Variants in FGFR1 observed in about 807,000 individuals in gnomAD.
FGFR1 encodes FGFR1/PLAG1 fusion.
In FGFR1, 18 loss-of-function variants were observed where a neutral mutation model predicts 93.7. The observed-to-expected ratio is 0.19, with a 90% CI of 0.13 to 0.28. The LOEUF (loss-of-function observed/expected upper bound fraction) is 0.28, where lower values mean the gene tolerates loss of function less well. Ranked by LOEUF, FGFR1 falls within the 10% of genes least tolerant of loss-of-function variation. The probability of loss-of-function intolerance (pLI) is 1.00; values close to 1 mark genes in which losing one functional copy is unlikely to be tolerated. For synonymous variants in FGFR1, 448 were observed against 429.3 expected (o/e 1.04, Z -0.54); for missense variants, 731 against 1,080.4 (o/e 0.68, Z 4.53).
intron 2 of FGFR1, among the ~76,000 whole-genome samples, chr8:38,440,823 C>T (rs777105963): frequency 7.0e-4 from 107 of 152,112 alleles, no homozygotes; most frequent in Non-Finnish European, 1.1e-3. Context: ...GGGACCCCAC[C>T]GGGGCTTACT....
Position 38,429,623 on chromosome 8 carries a change from C to T in FGFR1, c.358+59G>A, listed in dbSNP as rs2150951929. The T allele has an allele frequency of 2.0e-6, 3 of 1,523,220 alleles. No homozygotes were observed. Among genetic ancestry groups the T allele is most frequent in the African/African-American group, 1.4e-5 (1 of 72,230 alleles). The allele number at this position is 1,523,220 out of a possible 1,614,324, so 94.4% of individuals were successfully genotyped here. A position where few individuals can be genotyped will look rare whatever the true frequency, so the allele number is the denominator to read the frequency against. On this transcript the variant is annotated intron_variant, in intron 3 of 17. Coordinates refer to ENST00000447712, the MANE Select transcript of FGFR1 (RefSeq NM_023110.3). The surrounding 1 kb of genome is among the most constrained non-coding windows in gnomAD (Gnocchi z 4.4). ...GAGGTTCACCTTCCTCTGAAACTGGCAGAGAGGGCTGGAGGGGGTGGGTCT... is the reference window on the plus strand; with the variant it reads ...GAGGTTCACCTTCCTCTGAAACTGGTAGAGAGGGCTGGAGGGGGTGGGTCT...
chr8:38,428,502 A>T (rs1821634462), intron 3 of FGFR1, 67 bp from the exon 4 acceptor site: 1 of 1,301,870 alleles, frequency 7.7e-7, no homozygotes, highest in South Asian at 1.3e-5. Context: ...AGGCTAGTGC[A>T]GTTCCAGATG....
chr8:38,440,043 T>C (rs1050566418), intron 2 of FGFR1, among the ~76,000 whole-genome samples: 21 of 152,144 alleles, frequency 1.4e-4, no homozygotes, highest in African/African-American at 5.1e-4. Flanking sequence ...TTCCATCTTT[T>C]TGATTTCTGA....
rs754189086 is a variant in FGFR1 at position 38,412,157 on chromosome 8, A to C, written c.*1471T>G. The C allele has an allele frequency of 4.8e-6, 1 of 206,352 alleles. No homozygotes were observed. Among genetic ancestry groups the C allele is most frequent in the African/African-American group, 2.3e-5 (1 of 43,852 alleles). The allele number at this position is 206,352 out of a possible 1,614,324, so 12.8% of individuals were successfully genotyped here. A position where few individuals can be genotyped will look rare whatever the true frequency, so the allele number is the denominator to read the frequency against. On this transcript the variant is annotated 3_prime_UTR_variant, in exon 18 of 18. Coordinates refer to ENST00000447712, the MANE Select transcript of FGFR1 (RefSeq NM_023110.3). ...AACCTCCGCCTCCCAGCTTCAAGGG[A>C]TTCTGCCTCAGCCTCCTGTGGAGCT...
At chr8:38,463,820 A>C (rs1455209953) in intron 1 of FGFR1, among the ~76,000 whole-genome samples, 2 of 152,166 alleles carry the variant, frequency 1.3e-5, no homozygotes, top group Non-Finnish European at 2.9e-5. Context: ...GATGAGAATA[A>C]GACTTATTTC....
intron 9 of FGFR1, among the ~76,000 whole-genome samples, chr8:38,419,012 T>C (rs1817760694): frequency 1.3e-5 from 2 of 151,760 alleles, no homozygotes; most frequent in African/African-American, 4.8e-5. Flanking sequence ...TAAAGGGGAG[T>C]TTCCCTGTAC....
chr8:38,437,736 T>C (rs17182183), intron 2 of FGFR1, among the ~76,000 whole-genome samples: 3 of 152,166 alleles, frequency 2.0e-5, no homozygotes, highest in South Asian at 2.1e-4. Flanking sequence ...AATTTGTAAG[T>C]TGAGGGATAG....
At chr8:38,446,905 A>G (rs1829465613) in intron 2 of FGFR1, among the ~76,000 whole-genome samples, 2 of 152,164 alleles carry the variant, frequency 1.3e-5, no homozygotes, top group African/African-American at 4.8e-5. Context: ...AAGAAAACTC[A>G]GGTGTCGGAT....
At chr8:38,419,048 G>A (rs921711464) in intron 9 of FGFR1, among the ~76,000 whole-genome samples, 2 of 152,242 alleles carry the variant, frequency 1.3e-5, no homozygotes, top group Non-Finnish European at 2.9e-5. Flanking sequence ...CTGCCGCCAT[G>A]TGAGACGTGC....
chr8:38,465,031 T>C (rs1835198120), intron 1 of FGFR1, among the ~76,000 whole-genome samples: 1 of 152,228 alleles, frequency 6.6e-6, no homozygotes, highest in Non-Finnish European at 1.5e-5. Flanking sequence ...GGCTTGAATC[T>C]GCCTACCCAG....
Position 38,426,280 on chromosome 8 carries a change from C to A in FGFR1, c.622-35G>T, listed in dbSNP as rs2150868491. ...AATGCCAAAGGGATACATTGAGGGTCCAGAGGAAAATGCAGGCCCCATGAC... is the reference window on the plus strand; with the variant it reads ...AATGCCAAAGGGATACATTGAGGGTACAGAGGAAAATGCAGGCCCCATGAC... On this transcript the variant is annotated intron_variant, in intron 5 of 17. Coordinates refer to ENST00000447712, the MANE Select transcript of FGFR1 (RefSeq NM_023110.3). This position sits in a 1 kb window ranked among gnomAD's most constrained non-coding sequence, Gnocchi z 4.1. The A allele has an allele frequency of 1.2e-6, 2 of 1,613,264 alleles. No individual in the cohort carries two copies. Among genetic ancestry groups the A allele is most frequent in the South Asian group, 2.2e-5 (2 of 91,026 alleles).
Position 38,424,251 on chromosome 8 carries a change from C to G in FGFR1, c.936+258G>C. 1 of 638,994 alleles carries G rather than the reference C, an allele frequency of 1.6e-6. No individual in the cohort carries two copies. The highest frequency in any genetic ancestry group is 3.1e-5 in the East Asian group (1 of 32,726). The allele number at this position is 638,994 out of a possible 1,614,324, so 39.6% of individuals were successfully genotyped here. A position where few individuals can be genotyped will look rare whatever the true frequency, so the allele number is the denominator to read the frequency against. On this transcript the variant is annotated intron_variant, in intron 7 of 17. Coordinates refer to ENST00000447712, the MANE Select transcript of FGFR1 (RefSeq NM_023110.3). This position sits in a 1 kb window ranked among gnomAD's most constrained non-coding sequence, Gnocchi z 4.3. ...GTAGCTGACCCCAAAGCCCCAGTGA[C>G]GTTGCTCTCAAAGCTTATTACAGAC...
At position 38,412,151 on chromosome 8, in the gene FGFR1, C is replaced by T. The variant is rs1196416326; in HGVS notation, c.*1477G>A. On this transcript the variant is annotated 3_prime_UTR_variant, in exon 18 of 18. Coordinates refer to ENST00000447712, the MANE Select transcript of FGFR1 (RefSeq NM_023110.3). Reference sequence around the variant, plus strand: ...CACTGCAACCTCCGCCTCCCAGCTTCAAGGGATTCTGCCTCAGCCTCCTGT... The same window carrying T: ...CACTGCAACCTCCGCCTCCCAGCTTTAAGGGATTCTGCCTCAGCCTCCTGT... The T allele has an allele frequency of 4.8e-6, 1 of 207,078 alleles. No individual in the cohort carries two copies. Among genetic ancestry groups the T allele is most frequent in the Non-Finnish European group, 9.9e-6 (1 of 101,452 alleles). 12.8% of individuals were successfully genotyped at this position (207,078 alleles called of 1,614,324 possible).
At chr8:38,466,599 CT>C (rs1835566338) in intron 1 of FGFR1, 2 of 229,938 alleles carry the variant, frequency 8.7e-6, no homozygotes, top group Non-Finnish European at 1.7e-5. Context: ...AGGGAACTTT[CT>C]TTTCTCCCCC....
At chr8:38,445,013 C>T (rs1014657360) in intron 2 of FGFR1, among the ~76,000 whole-genome samples, 1 of 152,158 alleles carries the variant, frequency 6.6e-6, no homozygotes, top group African/African-American at 2.4e-5. Flanking sequence ...AGGCAAGTCA[C>T]CTCCCCTCTC....
At chr8:38,414,460 G>T in intron 15 of FGFR1, 99 bp downstream of exon 15, 1 of 1,535,890 alleles carries the variant, frequency 6.5e-7, no homozygotes. Flanking sequence ...TCTCTCTGGG[G>T]CAGAAAGAGG....
Position 38,413,332 on chromosome 8 carries a change from G to A in FGFR1, c.*296C>T. The A allele has an allele frequency of 2.0e-6, 1 of 490,368 alleles. No homozygotes were observed. The highest frequency in any genetic ancestry group is 3.1e-5 in the South Asian group (1 of 31,776). The allele number at this position is 490,368 out of a possible 1,614,324, so 30.4% of individuals were successfully genotyped here. On this transcript the variant is annotated 3_prime_UTR_variant, in exon 18 of 18. Transcript: ENST00000447712. This position sits in a 1 kb window ranked among gnomAD's most constrained non-coding sequence, Gnocchi z 4.2. ...GCCTGTTCATTGGCTCCCACTCCCTGCCCTCCAGGCAGTGCCTGGTGGCAG... is the reference window on the plus strand; with the variant it reads ...GCCTGTTCATTGGCTCCCACTCCCTACCCTCCAGGCAGTGCCTGGTGGCAG...
At chr8:38,425,898 G>A in intron 6 of FGFR1, 3 of 608,022 alleles carry the variant, frequency 4.9e-6, no homozygotes, top group South Asian at 1.8e-5. Flanking sequence ...CAATTTCACA[G>A]TGACAACCAG....
intron 8 of FGFR1, among the ~76,000 whole-genome samples, chr8:38,420,758 C>T (rs1413326831): frequency 6.6e-6 from 1 of 152,162 alleles, no homozygotes; most frequent in African/African-American, 2.4e-5. Context: ...GGCGGCGCCC[C>T]TGGGAACCTT....
Sources: gnomAD v4.1 joint callset for allele counts (sites outside exome capture counted in the v4.1 genomes callset) on GRCh38, gnomAD v4.1.1 for gene constraint, Gnocchi (gnomAD v3.1) non-coding constraint, MANE v1.5 for transcripts, NCBI Gene and HGNC (gene_info 2026-07-23, HGNC 2026-07-21) for gene names.